PCNX2: variants seen among roughly 807,000 people sequenced by gnomAD.
The protein encoded by PCNX2 is pecanex-like protein 2.
A neutral mutation model predicts 223.8 loss-of-function variants in PCNX2; 168 were observed. The ratio of observed to expected loss-of-function variants is 0.75; its 90% CI spans 0.66 to 0.85. The LOEUF (loss-of-function observed/expected upper bound fraction) is 0.85. Among genes scored for constraint, PCNX2 ranks in the 40% least tolerant of loss-of-function variants. The pLI, the probability that PCNX2 is intolerant of heterozygous loss-of-function variation, is 0.00. For missense variants in PCNX2, 2,507 were observed against 2,675.5 expected, an observed-to-expected ratio of 0.94 and a Z score of 1.39; for synonymous variants, 1,006 against 1,052.6, an observed-to-expected ratio of 0.96 and a Z score of 0.86.
At chr1:233,183,538 G>C (rs929780600) in intron 15 of PCNX2, among the ~76,000 whole-genome samples, 1 of 152,148 alleles carries the variant, frequency 6.6e-6, no homozygotes, top group African/African-American at 2.4e-5. Flanking sequence ...CAGAGAAAAG[G>C]CAATCTCCTG....
At chr1:233,041,500 A>C in intron 25 of PCNX2, among the ~76,000 whole-genome samples, 1 of 152,176 alleles carries the variant, frequency 6.6e-6, no homozygotes, top group East Asian at 1.9e-4. Flanking sequence ...CATTTATAAA[A>C]GTCACCCAGC....
intron 23 of PCNX2, among the ~76,000 whole-genome samples, chr1:233,065,143 T>C (rs530084369): frequency 2.6e-5 from 4 of 152,326 alleles, no homozygotes; most frequent in African/African-American, 7.2e-5. Flanking sequence ...TTTCTTCTAT[T>C]ATCCTATAGA....
At chr1:233,007,325 G>T (rs1670319253) in intron 28 of PCNX2, among the ~76,000 whole-genome samples, 1 of 151,852 alleles carries the variant, frequency 6.6e-6, no homozygotes. Context: ...CATTCTCACG[G>T]ATGCATGATG....
chr1:233,225,466 G>C (rs1416931899), intron 10 of PCNX2, among the ~76,000 whole-genome samples: 1 of 152,142 alleles, frequency 6.6e-6, no homozygotes, highest in Non-Finnish European at 1.5e-5. Flanking sequence ...AGGCTGACTC[G>C]AGTCCAGGGA....
intron 8 of PCNX2, 32 bp downstream of exon 8, chr1:233,250,707 G>C (rs1485344283): frequency 6.4e-7 from 1 of 1,569,086 alleles, no homozygotes; most frequent in African/African-American, 1.4e-5. Flanking sequence ...CAATGCAACA[G>C]CTCTCAAGCC....
At chr1:233,025,537 A>C in intron 25 of PCNX2, 138 bp from the exon 26 acceptor site, 1 of 1,080,234 alleles carries the variant, frequency 9.3e-7, no homozygotes, top group Admixed American at 2.7e-5. Context: ...TTGTCCTCAA[A>C]TAAGTCCCCC....
intron 23 of PCNX2, among the ~76,000 whole-genome samples, chr1:233,071,055 AT>A (rs1672833384): frequency 6.6e-6 from 1 of 152,226 alleles, no homozygotes; most frequent in Non-Finnish European, 1.5e-5. Context: ...AAATAAAAAA[AT>A]AAAATGAAAA....
intron 17 of PCNX2, among the ~76,000 whole-genome samples, chr1:233,163,576 T>C (rs1678623782): frequency 6.6e-6 from 1 of 151,414 alleles, no homozygotes; most frequent in South Asian, 2.1e-4. Flanking sequence ...GTTATGGTTT[T>C]ATGGGGATAT....
intron 28 of PCNX2, among the ~76,000 whole-genome samples, chr1:233,011,113 T>C (rs1271025879): frequency 6.6e-6 from 1 of 152,196 alleles, no homozygotes; most frequent in Non-Finnish European, 1.5e-5. Context: ...AAACACACAA[T>C]TATGAGCCAT....
Position 233,208,171 on chromosome 1 carries a change from C to T in PCNX2, c.2863+347G>A, listed in dbSNP as rs574243777. Among the ~76,000 whole-genome samples, 6 of 152,256 alleles carry T rather than the reference C, an allele frequency of 3.9e-5. No individual in the cohort carries two copies. In the East Asian group the frequency reaches 1.2e-3, roughly 29 times the overall value. On this transcript the variant is annotated intron_variant, in intron 13 of 33. Coordinates refer to ENST00000258229, the MANE Select transcript of PCNX2 (RefSeq NM_014801.4). ...ACGGGGTTTCACCATGTTGGCCAGG[C>T]TGGTCTTGAAATCCTGACCTCAGGT...
intron 21 of PCNX2, among the ~76,000 whole-genome samples, chr1:233,104,714 T>C (rs528910702): frequency 2.0e-5 from 3 of 152,212 alleles, no homozygotes; most frequent in Admixed American, 6.5e-5. Flanking sequence ...AGAGAAAGAA[T>C]ATAATTTTCA....
chr1:233,207,241 A>G (rs1421451212), intron 13 of PCNX2, among the ~76,000 whole-genome samples: 2 of 152,116 alleles, frequency 1.3e-5, no homozygotes, highest in African/African-American at 4.8e-5. Context: ...CAAAGCTTAC[A>G]CCATACCTGG....
chr1:233,209,320 A>G (rs1047166691), intron 12 of PCNX2, among the ~76,000 whole-genome samples: 1 of 152,226 alleles, frequency 6.6e-6, no homozygotes, highest in African/African-American at 2.4e-5. Flanking sequence ...CCCTATGCCT[A>G]TTGTTATGAG....
intron 25 of PCNX2, among the ~76,000 whole-genome samples, chr1:233,046,347 T>C (rs756465026): frequency 1.3e-5 from 2 of 152,144 alleles, no homozygotes; most frequent in Non-Finnish European, 2.9e-5. Flanking sequence ...AAAATATCCA[T>C]GGAGGTAAAA....
intron 25 of PCNX2, among the ~76,000 whole-genome samples, chr1:233,028,052 T>C (rs575798135): frequency 2.6e-5 from 4 of 152,346 alleles, no homozygotes; most frequent in South Asian, 2.1e-4. Flanking sequence ...TTTTATGATG[T>C]ACATTTTTGT....
intron 9 of PCNX2, among the ~76,000 whole-genome samples, chr1:233,227,670 AGGCC>A (rs1283508698): frequency 6.6e-6 from 1 of 152,222 alleles, no homozygotes; most frequent in Non-Finnish European, 1.5e-5. Flanking sequence ...CTGCTCATTA[AGGCC>A]AAGAAACTGC....
intron 32 of PCNX2, among the ~76,000 whole-genome samples, chr1:232,993,500 A>G (rs1044693541): frequency 4.6e-5 from 7 of 152,260 alleles, no homozygotes; most frequent in Non-Finnish European, 7.3e-5. Context: ...AGTACAACTT[A>G]TGTTTAAAAA....
chr1:233,135,242 GAT>G, intron 20 of PCNX2, 52 bp from the exon 21 acceptor site: 1 of 1,508,190 alleles, frequency 6.6e-7, no homozygotes, highest in Non-Finnish European at 9.0e-7. Context: ...CACACTGCTG[GAT>G]GAGTTTCATT....
intron 8 of PCNX2, among the ~76,000 whole-genome samples, chr1:233,245,086 C>T (rs917262459): frequency 4.6e-5 from 7 of 152,372 alleles, no homozygotes; most frequent in African/African-American, 1.2e-4. Flanking sequence ...TACTCCACCC[C>T]TCCTGTTTAG....
Sources: gnomAD v4.1 joint callset for allele counts (sites outside exome capture counted in the v4.1 genomes callset) on GRCh38, gnomAD v4.1.1 for gene constraint, MANE v1.5 for transcripts, NCBI Gene and HGNC (gene_info 2026-07-23, HGNC 2026-07-21) for gene names.